Variants in VSNL1 observed in about 807,000 individuals in gnomAD.
The protein encoded by VSNL1 is visinin like 1.
VSNL1 carries 6 observed loss-of-function variants against 20.4 expected under a neutral mutation model. The observed-to-expected ratio is 0.29, with a 90% CI of 0.16 to 0.58. The LOEUF is 0.58. Among genes scored for constraint, VSNL1 ranks in the 20% least tolerant of loss-of-function variants. The probability of loss-of-function intolerance (pLI) is 0.90; values close to 1 mark genes in which losing one functional copy is unlikely to be tolerated. For synonymous variants in VSNL1, 93 were observed against 86.4 expected (o/e 1.08, Z -0.42); for missense variants, 100 against 234.5 (o/e 0.43, Z 3.75).
At chr2:17,624,919 T>C (rs1021594297) in intron 2 of VSNL1, among the ~76,000 whole-genome samples, 7 of 152,212 alleles carry the variant, frequency 4.6e-5, no homozygotes, top group African/African-American at 1.4e-4. Flanking sequence ...GTGAAATGTC[T>C]ACTATGGGGC....
chr2:17,598,497 G>A (rs929963585), intron 2 of VSNL1, among the ~76,000 whole-genome samples: 1 of 152,210 alleles, frequency 6.6e-6, no homozygotes, highest in African/African-American at 2.4e-5. Context: ...ACTGGAATTA[G>A]AGACCCAATA....
At position 17,634,601 on chromosome 2, in the gene VSNL1, G is replaced by A. The variant is rs1007188948; in HGVS notation, c.163-14809G>A. Among the ~76,000 whole-genome samples, 12 of 152,262 alleles carry A rather than the reference G, an allele frequency of 7.9e-5. No individual in the cohort carries two copies. The highest frequency in any genetic ancestry group is 1.3e-4 in the Admixed American group (2 of 15,296). On this transcript the variant is annotated intron_variant, in intron 2 of 3. Transcript: ENST00000295156. This position sits in a 1 kb window ranked among gnomAD's most constrained non-coding sequence, Gnocchi z 4.3. ...GCAAAGCTTAGCTGTGCCCCTTCCCGTCCCCTGACACCCTCATCTCTCCTC... is the reference window on the plus strand; with the variant it reads ...GCAAAGCTTAGCTGTGCCCCTTCCCATCCCCTGACACCCTCATCTCTCCTC...
chr2:17,554,502 T>C (rs1663626939), intron 1 of VSNL1, among the ~76,000 whole-genome samples: 1 of 152,208 alleles, frequency 6.6e-6, no homozygotes, highest in African/African-American at 2.4e-5. Flanking sequence ...ACTCTTTTTT[T>C]TATAATTAAA....
At chr2:17,552,755 GT>G (rs1663575582) in intron 1 of VSNL1, among the ~76,000 whole-genome samples, 1 of 151,986 alleles carries the variant, frequency 6.6e-6, no homozygotes, top group African/African-American at 2.4e-5. Context: ...GATTTTTATA[GT>G]TTATTTGAAT....
At chr2:17,592,495 A>C (rs1244304189) in intron 2 of VSNL1, among the ~76,000 whole-genome samples, 1 of 152,184 alleles carries the variant, frequency 6.6e-6, no homozygotes, top group Non-Finnish European at 1.5e-5. Flanking sequence ...CATCTGGTGA[A>C]AGAACCATAA....
rs141289129 is a variant in VSNL1 at position 17,631,275 on chromosome 2, C to T, written c.163-18135C>T. ...ATGGACTTTCAAAATGACACCAAAACCAAACACCATTTAGGAAAATTCTGA... is the reference window on the plus strand; with the variant it reads ...ATGGACTTTCAAAATGACACCAAAATCAAACACCATTTAGGAAAATTCTGA... On this transcript the variant is annotated intron_variant, in intron 2 of 3. Coordinates refer to ENST00000295156, the MANE Select transcript of VSNL1 (RefSeq NM_003385.5). 2.7e-3 allele frequency among the ~76,000 whole-genome samples: 413 copies of T among 151,324 alleles called. 3 individuals carry two copies. The highest frequency in any genetic ancestry group is 8.0e-3 in the African/African-American group (328 of 41,182).
Position 17,656,403 on chromosome 2 carries a change from T to A in VSNL1, c.*1009T>A, listed in dbSNP as rs1044575780. On this transcript the variant is annotated 3_prime_UTR_variant, in exon 4 of 4. Coordinates refer to ENST00000295156, the MANE Select transcript of VSNL1 (RefSeq NM_003385.5). ...AGATTTGTTCATTCCGAAAAAAAAA[T>A]GTTCATTCTATGACAATAAATTTTA... 5.3e-5 allele frequency: 8 copies of A among 152,046 alleles called. No individual in the cohort carries two copies. The highest frequency in any genetic ancestry group is 1.9e-4 in the African/African-American group (8 of 41,468). The allele number at this position is 152,046 out of a possible 1,614,324, so 9.4% of individuals were successfully genotyped here.
chr2:17,612,565 A>G (rs754493023), intron 2 of VSNL1, among the ~76,000 whole-genome samples: 6 of 152,252 alleles, frequency 3.9e-5, no homozygotes, highest in Non-Finnish European at 8.8e-5. Flanking sequence ...AGAAGAGGCC[A>G]GGGAAGGAGG....
intron 1 of VSNL1, among the ~76,000 whole-genome samples, chr2:17,584,742 T>G (rs767493536): frequency 7.2e-5 from 11 of 152,134 alleles, no homozygotes; most frequent in Admixed American, 2.0e-4. Flanking sequence ...CTTAGGACCT[T>G]CAGCCTGTCT....
At chr2:17,585,800 C>CTTTTTTTT (rs1383820699) in intron 1 of VSNL1, among the ~76,000 whole-genome samples, 6 of 148,294 alleles carry the variant, frequency 4.0e-5, no homozygotes, top group Admixed American at 6.7e-5. Context: ...TCTTGGAATT[C>CTTTTTTTT]TTTTTTTCTT....
intron 2 of VSNL1, among the ~76,000 whole-genome samples, chr2:17,621,331 TTTTC>T (rs1344777705): frequency 6.6e-6 from 1 of 151,864 alleles, no homozygotes. Context: ...TTCTCTTTTC[TTTTC>T]TTTCTGAGAC....
chr2:17,614,229 G>A (rs535839438), intron 2 of VSNL1, among the ~76,000 whole-genome samples: 2 of 152,346 alleles, frequency 1.3e-5, no homozygotes, highest in African/African-American at 2.4e-5. Flanking sequence ...GCATGGCAAC[G>A]TAGACCTGGC....
chr2:17,637,948 G>A (rs980660379), intron 2 of VSNL1, among the ~76,000 whole-genome samples: 1 of 152,146 alleles, frequency 6.6e-6, no homozygotes, highest in Non-Finnish European at 1.5e-5. Context: ...AATGCTGAGC[G>A]GTCAAGTCAA....
At chr2:17,544,085 T>C (rs759207612) in intron 1 of VSNL1, among the ~76,000 whole-genome samples, 1 of 152,124 alleles carries the variant, frequency 6.6e-6, no homozygotes, top group African/African-American at 2.4e-5. Context: ...AGCTTGATGA[T>C]TGGAATGCAA....
Position 17,649,893 on chromosome 2 carries a change from T to A in VSNL1, c.378+268T>A, listed in dbSNP as rs1378382062. Among the ~76,000 whole-genome samples, 1 of 152,196 alleles carries A rather than the reference T, an allele frequency of 6.6e-6. No homozygotes were observed. The highest frequency in any genetic ancestry group is 1.5e-5 in the Non-Finnish European group (1 of 68,036). On this transcript the variant is annotated intron_variant, in intron 3 of 3. Transcript: ENST00000295156. This position sits in a 1 kb window ranked among gnomAD's most constrained non-coding sequence, Gnocchi z 6.4. ...GATCTCCCACGAACCTGTCTTACTGTGCACACAGGATGTCATGGGCTGTTT... is the reference window on the plus strand; with the variant it reads ...GATCTCCCACGAACCTGTCTTACTGAGCACACAGGATGTCATGGGCTGTTT...
chr2:17,622,590 AAGAAAG>A (rs1665405276), intron 2 of VSNL1, among the ~76,000 whole-genome samples: 1 of 138,558 alleles, frequency 7.2e-6, no homozygotes, highest in Non-Finnish European at 1.6e-5. Context: ...GAAAGAAAGA[AAGAAAG>A]AAAGAAAAGA....
At chr2:17,625,519 C>A (rs1180146281) in intron 2 of VSNL1, among the ~76,000 whole-genome samples, 1 of 152,192 alleles carries the variant, frequency 6.6e-6, no homozygotes, top group Admixed American at 6.5e-5. Context: ...ATTAGCGACA[C>A]TCTCTGTTAT....
At chr2:17,591,619 T>G (rs930219443) in intron 1 of VSNL1, among the ~76,000 whole-genome samples, 2 of 152,206 alleles carry the variant, frequency 1.3e-5, no homozygotes, top group African/African-American at 4.8e-5. Flanking sequence ...CCAAGCCACT[T>G]ACTGATCATT....
rs1445369382 is a variant in VSNL1, at chr2:17,656,158, G to A, written c.*764G>A. 6.6e-6 allele frequency: 1 copy of A among 152,312 alleles called. No individual in the cohort carries two copies. The highest frequency in any genetic ancestry group is 6.5e-5 in the Admixed American group (1 of 15,268). 9.4% of individuals were successfully genotyped at this position (152,312 alleles called of 1,614,324 possible). On this transcript the variant is annotated 3_prime_UTR_variant, in exon 4 of 4. Transcript: ENST00000295156. ...GGCTTCCAATGTGGTGGCAATAAAT[G>A]TCCCAAATAAATTTATAACAATTGA...
Sources: allele counts gnomAD v4.1 joint callset (sites outside exome capture counted in the v4.1 genomes callset), GRCh38; gene constraint gnomAD v4.1.1; non-coding constraint Gnocchi (gnomAD v3.1); transcripts MANE v1.5; gene names NCBI Gene and HGNC (gene_info 2026-07-23, HGNC 2026-07-21).